NEGR1: variants seen among roughly 807,000 people sequenced by gnomAD.
NEGR1 encodes the protein IgLON family member 4.
In NEGR1, 10 loss-of-function variants were observed where a neutral mutation model predicts 40.9. That is an observed-to-expected ratio of 0.24 (90% CI 0.15 to 0.42). The LOEUF is 0.42. Ranked by LOEUF, NEGR1 falls within the 10% of genes least tolerant of loss-of-function variation. The pLI is 1.00. For missense variants in NEGR1, 352 were observed against 438.9 expected (o/e 0.80, Z 1.77); for synonymous variants, 185 against 166.8 (o/e 1.11, Z -0.84).
chr1:71,567,030 T>C (rs1648643389), intron 6 of NEGR1, among the ~76,000 whole-genome samples: 1 of 152,130 alleles, frequency 6.6e-6, no homozygotes, highest in Non-Finnish European at 1.5e-5. Flanking sequence ...TTTCAACATA[T>C]GAATTTTGAG....
chr1:72,039,121 A>G (rs1464280560), intron 1 of NEGR1, among the ~76,000 whole-genome samples: 1 of 152,008 alleles, frequency 6.6e-6, no homozygotes, highest in Non-Finnish European at 1.5e-5. Context: ...ATGGAGGTAG[A>G]AGAGATTGTG....
At chr1:71,598,260 T>C (rs908238570) in intron 5 of NEGR1, among the ~76,000 whole-genome samples, 19 of 152,156 alleles carry the variant, frequency 1.2e-4, no homozygotes, top group Non-Finnish European at 2.1e-4. Flanking sequence ...AAATCATGGA[T>C]ACTTCAAGAA....
chr1:72,233,666 T>C (rs1654454805), intron 1 of NEGR1, among the ~76,000 whole-genome samples: 1 of 152,202 alleles, frequency 6.6e-6, no homozygotes. Context: ...GATGTATACA[T>C]ACCACATTTT....
intron 1 of NEGR1, among the ~76,000 whole-genome samples, chr1:72,273,298 A>C (rs901226175): frequency 2.0e-5 from 3 of 151,930 alleles, no homozygotes; most frequent in Non-Finnish European, 4.4e-5. Flanking sequence ...ATCCTTATTG[A>C]TTTTGTTTAA....
At chr1:71,762,220 T>G (rs1367406361) in intron 3 of NEGR1, among the ~76,000 whole-genome samples, 1 of 149,238 alleles carries the variant, frequency 6.7e-6, no homozygotes, top group Non-Finnish European at 1.5e-5. Flanking sequence ...AATGCTCAGG[T>G]AACCCACAGG....
intron 1 of NEGR1, among the ~76,000 whole-genome samples, chr1:72,117,096 C>T (rs77944304): frequency 0.18 from 27,854 of 151,572 alleles, 3,113 homozygotes; most frequent in South Asian, 0.27. Flanking sequence ...TCTAGTTCTT[C>T]CCTCTGTTTT....
intron 4 of NEGR1, among the ~76,000 whole-genome samples, chr1:71,661,554 A>G (rs1652055503): frequency 6.6e-6 from 1 of 152,234 alleles, no homozygotes; most frequent in African/African-American, 2.4e-5. Context: ...TTTCTACCAT[A>G]TGACACAAAT....
chr1:71,453,308 T>C (rs552376217), intron 6 of NEGR1, among the ~76,000 whole-genome samples: 40 of 152,112 alleles, frequency 2.6e-4, no homozygotes, highest in Non-Finnish European at 4.6e-4. Context: ...AGTGGGGTCT[T>C]AGTGAAATAG....
intron 4 of NEGR1, among the ~76,000 whole-genome samples, chr1:71,675,112 C>CATATATATATATATATATATAT (rs1553157758): frequency 0.053 from 2,410 of 45,106 alleles, 302 homozygotes; most frequent in Middle Eastern, 0.21. Flanking sequence ...CATGTTTATT[C>CATATATATATATATATATATAT]ATATATATAT....
intron 2 of NEGR1, among the ~76,000 whole-genome samples, chr1:71,831,816 AAC>A (rs774095053): frequency 6.7e-4 from 94 of 140,372 alleles, no homozygotes; most frequent in Non-Finnish European, 1.2e-3. Context: ...AAAAAAAAAA[AAC>A]GCAATGAGGC....
chr1:71,423,296 G>A (rs748223192), intron 6 of NEGR1, among the ~76,000 whole-genome samples: 26 of 152,170 alleles, frequency 1.7e-4, no homozygotes, highest in Non-Finnish European at 2.9e-4. Flanking sequence ...TTAAGAGGCT[G>A]TGGTGAGAGG....
At chr1:71,919,615 G>T (rs1325842272) in intron 2 of NEGR1, among the ~76,000 whole-genome samples, 1 of 150,938 alleles carries the variant, frequency 6.6e-6, no homozygotes, top group Middle Eastern at 3.4e-3. Context: ...TTGATTTTTT[G>T]GTTAGTGAAT....
At chr1:72,098,941 G>A (rs1340332053) in intron 1 of NEGR1, among the ~76,000 whole-genome samples, 1 of 151,962 alleles carries the variant, frequency 6.6e-6, no homozygotes, top group African/African-American at 2.4e-5. Flanking sequence ...TTTTGAGTAT[G>A]ATTAAGCTTA....
Position 71,611,095 on chromosome 1 carries a change from C to T in NEGR1, c.719G>A (p.Ser240Asn). The T allele has an allele frequency of 6.2e-7, 1 of 1,614,044 alleles. No individual in the cohort carries two copies. The highest frequency in any genetic ancestry group is 8.5e-7 in the Non-Finnish European group (1 of 1,179,938). ...TGCACCTTCACATCTTATCAGGCCA[C>T]TGCGTCCGGGGGTCACGGTGCCAGA... ...IKSGTVTPGRSGLIRCEGAGV... is the reference protein window; with the variant it reads ...IKSGTVTPGRNGLIRCEGAGV... The change falls in exon 5 of 7, where the codon AGT becomes AAT. Residue 240 changes from serine to asparagine, a missense_variant. By Grantham distance (46) the Ser-to-Asn change is conservative. Coordinates refer to ENST00000357731, the MANE Select transcript of NEGR1 (RefSeq NM_173808.3).
intron 6 of NEGR1, among the ~76,000 whole-genome samples, chr1:71,450,936 A>G (rs1646623337): frequency 2.0e-5 from 3 of 152,198 alleles, no homozygotes; most frequent in South Asian, 4.1e-4. Flanking sequence ...CACATTTTTA[A>G]AAAAAGTGGT....
chr1:71,443,801 G>T (rs755554103), intron 6 of NEGR1, among the ~76,000 whole-genome samples: 1 of 152,164 alleles, frequency 6.6e-6, no homozygotes, highest in Non-Finnish European at 1.5e-5. Context: ...ATGCTCATTT[G>T]ATTTTTACAG....
intron 1 of NEGR1, among the ~76,000 whole-genome samples, chr1:72,082,254 C>A (rs1648033141): frequency 6.6e-6 from 1 of 152,076 alleles, no homozygotes; most frequent in Non-Finnish European, 1.5e-5. Flanking sequence ...CCTTAATAGT[C>A]TTTCCCTTGG....
intron 1 of NEGR1, among the ~76,000 whole-genome samples, chr1:71,960,778 G>T (rs1350468517): frequency 6.6e-6 from 1 of 151,954 alleles, no homozygotes; most frequent in Non-Finnish European, 1.5e-5. Context: ...ATCTAATTTT[G>T]GTTAATTTCA....
chr1:71,436,083 CATT>C (rs1193561811), intron 6 of NEGR1, among the ~76,000 whole-genome samples: 1 of 152,106 alleles, frequency 6.6e-6, no homozygotes, highest in African/African-American at 2.4e-5. Flanking sequence ...AAGATGCTAT[CATT>C]GTTGTAGAAA....
Sources: allele counts gnomAD v4.1 joint callset (sites outside exome capture counted in the v4.1 genomes callset), GRCh38; gene constraint gnomAD v4.1.1; transcripts MANE v1.5; gene names NCBI Gene and HGNC (gene_info 2026-07-23, HGNC 2026-07-21).